The following SLFN5 variants were observed in gnomAD, a reference collection of about 807,000 sequenced individuals.
SLFN5 encodes the protein schlafen family member 5.
Under a neutral mutation model 48.5 loss-of-function variants are expected in SLFN5, and 34 were observed. The observed-to-expected ratio is 0.70, with a 90% CI of 0.53 to 0.93. SLFN5 has a LOEUF of 0.93. Ranked by LOEUF, SLFN5 falls within the 40% of genes least tolerant of loss-of-function variation. The probability of loss-of-function intolerance (pLI) is 0.00; values close to 1 mark genes in which losing one functional copy is unlikely to be tolerated. For synonymous variants in SLFN5, 387 were observed against 396.2 expected, an observed-to-expected ratio of 0.98 and a Z score of 0.28; for missense variants, 1,006 against 1,071.3, an observed-to-expected ratio of 0.94 and a Z score of 0.85.
chr17:35,271,854 A>AT lies in SLFN5; in HGVS notation c.*5967dup, dbSNP rs1904838695. The AT allele has an allele frequency of 6.6e-6, 1 of 152,174 alleles. No individual in the cohort carries two copies. The highest frequency in any genetic ancestry group is 2.4e-5 in the African/African-American group (1 of 41,422). 9.4% of individuals were successfully genotyped at this position (152,174 alleles called of 1,614,324 possible). A position where few individuals can be genotyped will look rare whatever the true frequency, so the allele number is the denominator to read the frequency against. ...AGACCAGCCTGGACAACATGGTGAA[A>AT]TCCCGTCTCTATTTAAAATGCAAGA... On this transcript the variant is annotated 3_prime_UTR_variant, in exon 5 of 5. Coordinates refer to ENST00000299977, the MANE Select transcript of SLFN5 (RefSeq NM_144975.4).
rs1266981173 is a variant in SLFN5 at position 35,272,938 on chromosome 17, C to A, written c.*7050C>A. On this transcript the variant is annotated 3_prime_UTR_variant, in exon 5 of 5. Transcript: ENST00000299977. Reference sequence around the variant, plus strand: ...AAATTGTGAATGCATATATCTCTTTCTCTAGAAATTTCTCTTTTGGGAATT... The same window carrying A: ...AAATTGTGAATGCATATATCTCTTTATCTAGAAATTTCTCTTTTGGGAATT... The A allele has an allele frequency of 6.6e-6, 1 of 150,936 alleles. No homozygotes were observed. Among genetic ancestry groups the A allele is most frequent in the African/African-American group, 2.4e-5 (1 of 40,846 alleles). The allele number at this position is 150,936 out of a possible 1,614,324, so 9.3% of individuals were successfully genotyped here.
intron 1 of SLFN5, among the ~76,000 whole-genome samples, chr17:35,249,915 T>C (rs1463685769): frequency 3.9e-5 from 6 of 152,150 alleles, no homozygotes; most frequent in Admixed American, 3.9e-4. Flanking sequence ...AGCAAAATAA[T>C]AAGCAGAACT....
chr17:35,248,120 C>T (rs997840181), intron 1 of SLFN5, among the ~76,000 whole-genome samples: 1 of 152,166 alleles, frequency 6.6e-6, no homozygotes, highest in Non-Finnish European at 1.5e-5. Context: ...GGAGAAACTG[C>T]TTCTTATTTG....
chr17:35,250,431 G>T (rs974131180), intron 1 of SLFN5, among the ~76,000 whole-genome samples: 16 of 152,066 alleles, frequency 1.1e-4, no homozygotes, highest in Non-Finnish European at 1.6e-4. Context: ...AGGCCGAGGC[G>T]GGCGGATCAC....
chr17:35,257,472 T>A lies in SLFN5; in HGVS notation c.-40-1179T>A, dbSNP rs185554420. ...ACCCCAACAAAAACTTGAGCTCTTT[T>A]GCCAATGTTTACATTGTGTACTCAT... On this transcript the variant is annotated intron_variant, in intron 1 of 4. Transcript: ENST00000299977. 3.0e-3 allele frequency among the ~76,000 whole-genome samples: 463 copies of A among 152,332 alleles called. 1 individual carries two copies. Among genetic ancestry groups the A allele is most frequent in the Non-Finnish European group, 5.1e-3 (345 of 68,022 alleles).
At chr17:35,255,890 A>T (rs2092452955) in intron 1 of SLFN5, among the ~76,000 whole-genome samples, 1 of 152,062 alleles carries the variant, frequency 6.6e-6, no homozygotes, top group Non-Finnish European at 1.5e-5. Flanking sequence ...CACTATTTTG[A>T]ATGTTCTATT....
intron 1 of SLFN5, among the ~76,000 whole-genome samples, chr17:35,248,572 G>A (rs572198920): frequency 1.6e-4 from 24 of 151,752 alleles, no homozygotes; most frequent in Non-Finnish European, 2.9e-4. Context: ...CTATACTTCA[G>A]TCAACTGCTC....
At chr17:35,247,753 G>C (rs994252961) in intron 1 of SLFN5, among the ~76,000 whole-genome samples, 19 of 152,192 alleles carry the variant, frequency 1.2e-4, no homozygotes. Flanking sequence ...AGAATGACAG[G>C]GTCAGACATA....
chr17:35,255,708 A>G (rs1256667279), intron 1 of SLFN5, among the ~76,000 whole-genome samples: 1 of 152,244 alleles, frequency 6.6e-6, no homozygotes, highest in Non-Finnish European at 1.5e-5. Flanking sequence ...TACCACACAT[A>G]CAACAGAGAA....
chr17:35,250,058 A>G lies in SLFN5; in HGVS notation c.-41+6915A>G, dbSNP rs536639262. Among the ~76,000 whole-genome samples the G allele has an allele frequency of 2.0e-5, 3 of 152,306 alleles. No homozygotes were observed. The South Asian group carries it at 6.2e-4, about 32-fold the overall frequency. On this transcript the variant is annotated intron_variant, in intron 1 of 4. Transcript: ENST00000299977. ...CAAAGGTCCTCTCCTATCCCCTAGT[A>G]ACACTCCTGTCCCGCCAGCAAAGAA...
rs1392225710 is a variant in SLFN5, at chr17:35,269,083, G to A, written c.*3195G>A. 1 of 152,148 alleles carries A rather than the reference G, an allele frequency of 6.6e-6. No individual in the cohort carries two copies. The highest frequency in any genetic ancestry group is 1.5e-5 in the Non-Finnish European group (1 of 68,032). The allele number at this position is 152,148 out of a possible 1,614,324, so 9.4% of individuals were successfully genotyped here. ...AATATGGTCCCTGTTCCTCTATCTT[G>A]ACCAGAAGCATCTAAGAAGGCAGTG... On this transcript the variant is annotated 3_prime_UTR_variant, in exon 5 of 5. Transcript: ENST00000299977.
intron 1 of SLFN5, among the ~76,000 whole-genome samples, chr17:35,251,990 C>T (rs1671576917): frequency 6.6e-6 from 1 of 152,110 alleles, no homozygotes; most frequent in South Asian, 2.1e-4. Flanking sequence ...TCTTTACTCT[C>T]ATAATCTCTG....
At chr17:35,264,113 TC>T in intron 3 of SLFN5, 69 bp from the exon 4 acceptor site, 1 of 1,496,300 alleles carries the variant, frequency 6.7e-7, no homozygotes, top group South Asian at 1.4e-5. Context: ...GATTAATTCT[TC>T]TACGTATAAT....
intron 1 of SLFN5, among the ~76,000 whole-genome samples, chr17:35,254,044 A>G (rs1331155553): frequency 1.3e-5 from 2 of 152,116 alleles, no homozygotes; most frequent in Non-Finnish European, 2.9e-5. Context: ...TGCCAATACA[A>G]CTATATCTTA....
At position 35,266,141 on chromosome 17, in the gene SLFN5, G is replaced by GGTGTGTGTGT. The variant is rs770741775; in HGVS notation, c.*253_*254insGTGTGTGTGT. 1.5e-4 allele frequency: 53 copies of GGTGTGTGTGT among 354,118 alleles called. No homozygotes were observed. Among genetic ancestry groups the GGTGTGTGTGT allele is most frequent in the South Asian group, 4.5e-4 (12 of 26,598 alleles). The allele number at this position is 354,118 out of a possible 1,614,324, so 21.9% of individuals were successfully genotyped here. On this transcript the variant is annotated 3_prime_UTR_variant, in exon 5 of 5. Coordinates refer to ENST00000299977, the MANE Select transcript of SLFN5 (RefSeq NM_144975.4). ...TAATTAGAGGACCGTGAGACTCAGA[G>GGTGTGTGTGT]ATGTGTGTGTGTGTGTGTGTGTGTG...
Position 35,266,173 on chromosome 17 carries a change from T to C in SLFN5, c.*285T>C, listed in dbSNP as rs62064163. The stretch of plus-strand genomic sequence containing the variant: ...GTGTGTGTGTGTGTGTGTGTGTGTG[T>C]GTGTGCGCGCGCGCACGTGCACATG... On this transcript the variant is annotated 3_prime_UTR_variant, in exon 5 of 5. Transcript: ENST00000299977. 3,289 of 250,384 alleles carry C rather than the reference T, an allele frequency of 0.013. 105 individuals are homozygous for C. The highest frequency in any genetic ancestry group is 0.081 in the African/African-American group (3,062 of 37,958). 15.5% of individuals were successfully genotyped at this position (250,384 alleles called of 1,614,324 possible). A position where few individuals can be genotyped will look rare whatever the true frequency, so the allele number is the denominator to read the frequency against.
chr17:35,245,922 T>G (rs1210257369), intron 1 of SLFN5, among the ~76,000 whole-genome samples: 1 of 152,140 alleles, frequency 6.6e-6, no homozygotes, highest in East Asian at 1.9e-4. Context: ...ACTGCCAAAT[T>G]CTTTTCCAAA....
chr17:35,247,272 C>G (rs1287086202), intron 1 of SLFN5, among the ~76,000 whole-genome samples: 1 of 152,172 alleles, frequency 6.6e-6, no homozygotes, highest in African/African-American at 2.4e-5. Flanking sequence ...TGAGCATTCC[C>G]TTTTTGTCAC....
At chr17:35,260,905 C>T (rs1028891674) in intron 2 of SLFN5, 66 bp from the exon 3 acceptor site, 1 of 1,589,632 alleles carries the variant, frequency 6.3e-7, no homozygotes, top group African/African-American at 1.3e-5. Flanking sequence ...GACTTTGTAG[C>T]ACAGCTCAGC....
Sources: allele counts gnomAD v4.1 joint callset (sites outside exome capture counted in the v4.1 genomes callset), GRCh38; gene constraint gnomAD v4.1.1; transcripts MANE v1.5; gene names NCBI Gene and HGNC (gene_info 2026-07-23, HGNC 2026-07-21).